GLCCI1: variants seen among roughly 807,000 people sequenced by gnomAD.
GLCCI1 encodes glucocorticoid-induced transcript 1 protein.
In GLCCI1, 24 loss-of-function variants were observed where a neutral mutation model predicts 52.2. The observed-to-expected ratio is 0.46, with a 90% CI of 0.33 to 0.65. GLCCI1 has a LOEUF of 0.65. Ranked by LOEUF, GLCCI1 falls within the 30% of genes least tolerant of loss-of-function variation. GLCCI1 has a pLI of 0.02. For synonymous variants in GLCCI1, 310 were observed against 276.5 expected (o/e 1.12, Z -1.20); for missense variants, 704 against 701.5 (o/e 1.00, Z -0.04).
intron 1 of GLCCI1, 32 bp from the exon 2 acceptor site, chr7:8,003,876 T>C: frequency 6.3e-7 from 1 of 1,590,972 alleles, no homozygotes; most frequent in Non-Finnish European, 8.6e-7. Flanking sequence ...TTTTATTCAC[T>C]AATGACTAAT....
chr7:7,983,786 C>A (rs1021151929), intron 1 of GLCCI1, among the ~76,000 whole-genome samples: 2 of 152,058 alleles, frequency 1.3e-5, no homozygotes, highest in African/African-American at 2.4e-5. Flanking sequence ...TGTAAAAATG[C>A]CTAATAGTTT....
chr7:8,061,909 C>T lies in GLCCI1; in HGVS notation c.966+1661C>T, dbSNP rs75441186. The stretch of plus-strand genomic sequence containing the variant: ...CTCGAACTCCTCACCTCAAGTGATC[C>T]GCCCACCTCGGCCTCCCAACGTGCT... On this transcript the variant is annotated intron_variant, in intron 5 of 7. Transcript: ENST00000223145. Among the ~76,000 whole-genome samples, 13 of 152,054 alleles carry T rather than the reference C, an allele frequency of 8.5e-5. No homozygotes were observed. In the East Asian group the frequency reaches 1.9e-3, roughly 23 times the overall value.
At chr7:7,979,077 GGA>G (rs1780554165) in intron 1 of GLCCI1, among the ~76,000 whole-genome samples, 1 of 152,120 alleles carries the variant, frequency 6.6e-6, no homozygotes, top group Non-Finnish European at 1.5e-5. Context: ...TAAGTGTCTA[GGA>G]CTTAACTAAA....
At chr7:8,015,628 T>C (rs1263246705) in intron 2 of GLCCI1, among the ~76,000 whole-genome samples, 1 of 152,182 alleles carries the variant, frequency 6.6e-6, no homozygotes, top group Non-Finnish European at 1.5e-5. Context: ...CACACCAAAT[T>C]AGTCATGTTC....
intron 6 of GLCCI1, among the ~76,000 whole-genome samples, chr7:8,076,240 G>A (rs942853509): frequency 1.3e-5 from 2 of 152,026 alleles, no homozygotes; most frequent in African/African-American, 2.4e-5. Context: ...GATATGATGG[G>A]TATACTACTT....
At chr7:8,010,404 C>T (rs1040250164) in intron 2 of GLCCI1, among the ~76,000 whole-genome samples, 1 of 152,086 alleles carries the variant, frequency 6.6e-6, no homozygotes, top group African/African-American at 2.4e-5. Flanking sequence ...AAGTCACTTG[C>T]CTAAACATCG....
intron 3 of GLCCI1, among the ~76,000 whole-genome samples, chr7:8,036,244 T>A (rs1305459269): frequency 1.7e-4 from 26 of 152,200 alleles, no homozygotes; most frequent in Admixed American, 1.7e-3. Context: ...ACATGCCCAG[T>A]ACATCACTTC....
chr7:8,076,295 C>T (rs543060600), intron 6 of GLCCI1, among the ~76,000 whole-genome samples: 54 of 152,146 alleles, frequency 3.5e-4, no homozygotes, highest in African/African-American at 1.1e-3. Context: ...AATCTGGATG[C>T]GTTTATCAAA....
intron 2 of GLCCI1, among the ~76,000 whole-genome samples, chr7:8,004,615 C>A (rs1359584668): frequency 6.6e-6 from 1 of 152,120 alleles, no homozygotes; most frequent in African/African-American, 2.4e-5. Context: ...TCATGATTAT[C>A]TGAGTTCTTG....
chr7:8,030,725 T>G (rs2109391), intron 3 of GLCCI1, among the ~76,000 whole-genome samples: 128,823 of 152,120 alleles, frequency 0.85, 55,039 homozygotes, highest in African/African-American at 0.96. Context: ...ATGGGCAAAA[T>G]ATTTGATTAG....
At chr7:8,055,380 A>T in intron 3 of GLCCI1, 53 bp from the exon 4 acceptor site, 2 of 1,054,554 alleles carry the variant, frequency 1.9e-6, no homozygotes, top group South Asian at 2.9e-5. Context: ...TAAATATAAA[A>T]ATTTGGTATT....
chr7:8,071,115 C>G lies in GLCCI1; in HGVS notation c.1161C>G (p.Leu387=), dbSNP rs376631664. The change falls in exon 6 of 8, where the codon CTC becomes CTG. Residue 387 remains leucine (L), a synonymous_variant. Transcript: ENST00000223145. ...DGSPCSTEDL[L]YDRDKDSGSS... Reference sequence around the variant, plus strand: ...GCCCTTGCTCAACAGAAGATTTGCTCTATGATCGTGATAAAGGTAAGAATG... The same window carrying G: ...GCCCTTGCTCAACAGAAGATTTGCTGTATGATCGTGATAAAGGTAAGAATG... The G allele has an allele frequency of 7.4e-6, 12 of 1,613,792 alleles. No individual in the cohort carries two copies. The highest frequency in any genetic ancestry group is 1.7e-5 in the Admixed American group (1 of 60,012).
In GLCCI1 at chr7:8,086,451, T is replaced by C; in HGVS notation, c.1557T>C (p.Ser519=). 6.2e-7 allele frequency: 1 copy of C among 1,614,188 alleles called. No homozygotes were observed. Among genetic ancestry groups the C allele is most frequent in the Non-Finnish European group, 8.5e-7 (1 of 1,180,036 alleles). Residue 519 remains serine, a synonymous_variant, in exon 8 of 8, where the codon TCT becomes TCC. Coordinates refer to ENST00000223145, the MANE Select transcript of GLCCI1 (RefSeq NM_138426.4). This position sits in a 1 kb window ranked among gnomAD's most constrained non-coding sequence, Gnocchi z 4.4. ...DTSTAGSMEA[S]VQQPSQQQQL... The stretch of plus-strand genomic sequence containing the variant: ...GCACAGCGGGCTCCATGGAGGCCTC[T>C]GTCCAGCAGCCATCCCAGCAGCAGC...
chr7:7,973,835 TTC>T (rs1325564477), intron 1 of GLCCI1, among the ~76,000 whole-genome samples: 7 of 152,240 alleles, frequency 4.6e-5, no homozygotes, highest in African/African-American at 1.7e-4. Flanking sequence ...CTTTCAGTTT[TTC>T]TCTTTTCCTT....
intron 1 of GLCCI1, among the ~76,000 whole-genome samples, chr7:7,998,181 T>G (rs1013817158): frequency 1.4e-5 from 2 of 141,364 alleles, no homozygotes; most frequent in Non-Finnish European, 3.0e-5. Flanking sequence ...TTTTTGTTTT[T>G]TTTTTTTTTT....
intron 6 of GLCCI1, chr7:8,078,463 C>T (rs999828167): frequency 6.6e-6 from 1 of 152,020 alleles, no homozygotes; most frequent in Non-Finnish European, 1.5e-5. Flanking sequence ...TGAATCTGTA[C>T]CCCTAATAAA....
intron 1 of GLCCI1, among the ~76,000 whole-genome samples, chr7:7,976,731 A>T (rs1780481114): frequency 6.6e-6 from 1 of 151,494 alleles, no homozygotes; most frequent in Non-Finnish European, 1.5e-5. Context: ...GAGCAACATG[A>T]CAAGACCTTG....
intron 3 of GLCCI1, among the ~76,000 whole-genome samples, chr7:8,053,298 TG>T (rs1345120212): frequency 1.6e-5 from 2 of 125,520 alleles, no homozygotes; most frequent in South Asian, 2.4e-4. Context: ...GGTTTTGTTT[TG>T]TTTTTTTTTG....
rs568021855 is a variant in GLCCI1 at position 8,064,769 on chromosome 7, A to G, written c.966+4521A>G. ...TGTCGCCAGGCTGAAGTGCAGTGGC[A>G]TGGTCTCGGCTCACTGCAACCTCCA... On this transcript the variant is annotated intron_variant, in intron 5 of 7. Transcript: ENST00000223145. Among the ~76,000 whole-genome samples, 15 of 152,114 alleles carry G rather than the reference A, an allele frequency of 9.9e-5. No homozygotes were observed. In the East Asian group the frequency reaches 2.9e-3, roughly 29 times the overall value.
Sources: allele counts gnomAD v4.1 joint callset (sites outside exome capture counted in the v4.1 genomes callset), GRCh38; gene constraint gnomAD v4.1.1; non-coding constraint Gnocchi (gnomAD v3.1); transcripts MANE v1.5; gene names NCBI Gene and HGNC (gene_info 2026-07-23, HGNC 2026-07-21).